SLC39A11: variants seen among roughly 807,000 people sequenced by gnomAD.
SLC39A11 encodes solute carrier family 39 member 11.
Under a neutral mutation model 36.1 loss-of-function variants are expected in SLC39A11, and 33 were observed. The observed-to-expected ratio is 0.91, with a 90% CI of 0.69 to 1.22. SLC39A11 has a LOEUF of 1.22. Among genes scored for constraint, SLC39A11 ranks in the 50% most tolerant of loss-of-function variants. The pLI is 0.00. For missense variants in SLC39A11, 432 were observed against 430.3 expected, an observed-to-expected ratio of 1.00 and a Z score of -0.03; for synonymous variants, 166 against 170.3, an observed-to-expected ratio of 0.97 and a Z score of 0.20.
chr17:72,915,055 A>G (rs1158942999), intron 5 of SLC39A11, among the ~76,000 whole-genome samples: 2 of 152,100 alleles, frequency 1.3e-5, no homozygotes, highest in African/African-American at 4.8e-5. Flanking sequence ...CGCTGTCCTG[A>G]CCGGAGCCTC....
chr17:72,786,017 C>T (rs957829847), intron 6 of SLC39A11, among the ~76,000 whole-genome samples: 6 of 152,158 alleles, frequency 3.9e-5, no homozygotes, highest in African/African-American at 1.4e-4. Flanking sequence ...GATGAGATTC[C>T]CTCCCCGACA....
At chr17:72,850,260 G>A (rs1320194879) in intron 5 of SLC39A11, among the ~76,000 whole-genome samples, 1 of 151,896 alleles carries the variant, frequency 6.6e-6, no homozygotes, top group Non-Finnish European at 1.5e-5. Context: ...ACCAGCCTGG[G>A]CAACATGGCA....
chr17:72,844,532 C>T (rs115456238), intron 6 of SLC39A11, among the ~76,000 whole-genome samples: 3,835 of 152,084 alleles, frequency 0.025, 142 homozygotes, highest in African/African-American at 0.084. Flanking sequence ...AGCCAGGTGT[C>T]GTGGCATGCG....
At chr17:72,790,984 C>T (rs1598748313) in intron 6 of SLC39A11, among the ~76,000 whole-genome samples, 1 of 152,216 alleles carries the variant, frequency 6.6e-6, no homozygotes, top group East Asian at 1.9e-4. Context: ...AGCTCCCTCA[C>T]CTGCAGATAT....
intron 7 of SLC39A11, among the ~76,000 whole-genome samples, chr17:72,657,274 C>T (rs576508389): frequency 2.0e-5 from 3 of 152,262 alleles, no homozygotes; most frequent in Admixed American, 6.5e-5. Context: ...GCATGAGAAT[C>T]GCTTGAACCC....
intron 7 of SLC39A11, among the ~76,000 whole-genome samples, chr17:72,682,785 G>A (rs369054718): frequency 6.6e-6 from 1 of 152,202 alleles, no homozygotes; most frequent in African/African-American, 2.4e-5. Context: ...GCTGATTCAC[G>A]TGGAGACTCT....
chr17:72,924,179 A>G (rs1353839668), intron 5 of SLC39A11, among the ~76,000 whole-genome samples: 2 of 88,086 alleles, frequency 2.3e-5, no homozygotes, highest in African/African-American at 7.7e-5. Context: ...TTTTTTTTTT[A>G]AGGAAAGATG....
chr17:72,925,197 G>A (rs776259685), intron 5 of SLC39A11, among the ~76,000 whole-genome samples: 9 of 151,978 alleles, frequency 5.9e-5, no homozygotes, highest in East Asian at 1.9e-4. Context: ...CTTCCACGAC[G>A]GACATGTGGA....
intron 5 of SLC39A11, among the ~76,000 whole-genome samples, chr17:72,906,144 C>T (rs374313708): frequency 6.6e-6 from 1 of 152,216 alleles, no homozygotes. Flanking sequence ...TTAGACAACA[C>T]CTCAAAAGTT....
At position 72,849,743 on chromosome 17, in the gene SLC39A11, C is replaced by T; in HGVS notation, c.492G>A (p.Glu164=). The T allele has an allele frequency of 1.2e-6, 2 of 1,609,638 alleles. No individual in the cohort carries two copies. The highest frequency in any genetic ancestry group is 1.7e-6 in the Non-Finnish European group (2 of 1,178,568). The change falls in exon 6 of 10, where the codon GAG becomes GAA. Residue 164 remains glutamate (E), a synonymous_variant. Coordinates refer to ENST00000255559, the MANE Select transcript of SLC39A11 (RefSeq NM_139177.4). ...GAGAAGGCACAGGGACAGCAGGACC[C>T]TCTGGAAGGCCAGTGGCTGCCGCCT... is the stretch of plus-strand genomic sequence containing the variant. ...RKKAAATGLP[E]GPAVPVPSRG...
At chr17:72,949,950 GACACACAC>G (rs67207508) in intron 4 of SLC39A11, among the ~76,000 whole-genome samples, 32,409 of 146,024 alleles carry the variant, frequency 0.22, 4,006 homozygotes, top group Non-Finnish European at 0.29. Context: ...AGGCTGCTGT[GACACACAC>G]ACACACACAC....
chr17:72,896,826 G>A (rs1384002282), intron 5 of SLC39A11, among the ~76,000 whole-genome samples: 16 of 151,854 alleles, frequency 1.1e-4, no homozygotes, highest in South Asian at 4.2e-4. Context: ...CGAGTCAGGC[G>A]GATCACCTGA....
chr17:72,958,756 T>C (rs147424163), intron 4 of SLC39A11, among the ~76,000 whole-genome samples: 7,083 of 151,298 alleles, frequency 0.047, 193 homozygotes, highest in Non-Finnish European at 0.063. Context: ...GAGGCTGAGG[T>C]GCAAGAATTG....
chr17:72,661,813 C>T (rs2070434508), intron 7 of SLC39A11, among the ~76,000 whole-genome samples: 1 of 152,198 alleles, frequency 6.6e-6, no homozygotes, highest in South Asian at 2.1e-4. Flanking sequence ...CATTCCCTTA[C>T]AGTCTGCTGC....
chr17:72,874,662 C>T (rs2080803754), intron 5 of SLC39A11, among the ~76,000 whole-genome samples: 1 of 152,190 alleles, frequency 6.6e-6, no homozygotes, highest in Non-Finnish European at 1.5e-5. Context: ...CCAAAGAAAT[C>T]ATCAGGGAAC....
rs914671747 is a variant in SLC39A11 at position 72,649,011 on chromosome 17, A to G, written c.771-50T>C. 14 of 1,583,110 alleles carry G rather than the reference A, an allele frequency of 8.8e-6. No individual in the cohort carries two copies. The Admixed American group carries it at 9.1e-5, about 10-fold the overall frequency. On this transcript the variant is annotated intron_variant, in intron 8 of 9. Transcript: ENST00000255559. ...CCACCGCAGGGGGAGGCAAGCAGAC[A>G]CTCCACGTGCCCAGACTGTTGGCTC...
At chr17:72,787,978 T>C (rs1425106011) in intron 6 of SLC39A11, among the ~76,000 whole-genome samples, 1 of 152,216 alleles carries the variant, frequency 6.6e-6, no homozygotes, top group East Asian at 1.9e-4. Flanking sequence ...TACAATTCTT[T>C]CATGAATGTC....
chr17:73,087,274 C>CG (rs199596603), intron 2 of SLC39A11, among the ~76,000 whole-genome samples: 2,037 of 152,150 alleles, frequency 0.013, 55 homozygotes, highest in African/African-American at 0.045. Context: ...CATCAGCTCC[C>CG]GGGGGCAGTG....
chr17:72,687,173 T>C (rs2071794247), intron 7 of SLC39A11, among the ~76,000 whole-genome samples: 2 of 150,920 alleles, frequency 1.3e-5, no homozygotes, highest in South Asian at 4.2e-4. Context: ...ACTACAGGCG[T>C]ATGCCATCAT....
Sources: gnomAD v4.1 joint callset for allele counts (sites outside exome capture counted in the v4.1 genomes callset) on GRCh38, gnomAD v4.1.1 for gene constraint, MANE v1.5 for transcripts, NCBI Gene and HGNC (gene_info 2026-07-23, HGNC 2026-07-21) for gene names.